GRAMD4: variants seen among roughly 807,000 people sequenced by gnomAD.
GRAMD4 encodes the protein GRAM domain containing 4.
GRAMD4 carries 25 observed loss-of-function variants against 83.9 expected under a neutral mutation model. The observed-to-expected ratio is 0.30, with a 90% CI of 0.22 to 0.42. The LOEUF (loss-of-function observed/expected upper bound fraction) is 0.42. GRAMD4 is among the 10% of genes least tolerant of loss of function. The pLI is 1.00. For synonymous variants in GRAMD4, 336 were observed against 320.9 expected, an observed-to-expected ratio of 1.05 and a Z score of -0.50; for missense variants, 593 against 788.7, an observed-to-expected ratio of 0.75 and a Z score of 2.97.
At chr22:46,620,057 G>A (rs561242425), upstream of GRAMD4, among the ~76,000 whole-genome samples, 1 of 152,338 alleles carries the variant, frequency 6.6e-6, no homozygotes, top group East Asian at 1.9e-4. The surrounding 1 kb of genome is among the most constrained non-coding windows in gnomAD (Gnocchi z 4.7). Flanking sequence ...AGGAACTTTA[G>A]CAGGGGAGAT....
chr22:46,672,374 G>A lies in GRAMD4; in HGVS notation c.1085-469G>A, dbSNP rs1004926391. 6.6e-6 allele frequency among the ~76,000 whole-genome samples: 1 copy of A among 152,030 alleles called. No individual in the cohort carries two copies. The highest frequency in any genetic ancestry group is 6.6e-5 in the Admixed American group (1 of 15,266). ...CTCTCAGCAGGGATGGGCTGGGCGT[G>A]GGGGGGCACCCAGTTGAAGAAGGGC... is the stretch of plus-strand genomic sequence containing the variant. On this transcript the variant is annotated intron_variant, in intron 13 of 18. Coordinates refer to ENST00000406902, the MANE Select transcript of GRAMD4 (RefSeq NM_015124.5). The surrounding 1 kb of genome is among the most constrained non-coding windows in gnomAD (Gnocchi z 4.7).
chr22:46,668,046 T>C (rs1335035771), intron 10 of GRAMD4, 50 bp from the exon 11 acceptor site: 7 of 1,350,422 alleles, frequency 5.2e-6, no homozygotes, highest in African/African-American at 2.9e-5. Context: ...CAGTGGTTTT[T>C]CTGAACTGTT....
intron 3 of GRAMD4, among the ~76,000 whole-genome samples, chr22:46,645,459 T>C (rs186928852): frequency 2.6e-5 from 4 of 152,338 alleles, no homozygotes; most frequent in Admixed American, 2.6e-4. Flanking sequence ...GACCCAGTTC[T>C]AATTCTTGAC....
intron 1 of GRAMD4, among the ~76,000 whole-genome samples, chr22:46,580,661 T>G (rs1007983599): frequency 2.6e-5 from 4 of 152,092 alleles, no homozygotes; most frequent in African/African-American, 9.7e-5. Context: ...GAGACAGAGG[T>G]GGCGCAAGAA....
At position 46,626,790 on chromosome 22, in the gene GRAMD4, A is replaced by T. The variant is rs1400131229; in HGVS notation, c.-10A>T. The T allele has an allele frequency of 6.2e-7, 1 of 1,613,306 alleles. No individual in the cohort carries two copies. On this transcript the variant is annotated 5_prime_UTR_variant, in exon 2 of 19. Transcript: ENST00000406902. The stretch of plus-strand genomic sequence containing the variant: ...ATGTTAGGGTGAAGCAGAGGACCTC[A>T]GTGCTGAACATGCTAAGGAGGTTGG...
In GRAMD4 at chr22:46,667,054, C is replaced by T. The variant is rs143833916; in HGVS notation, c.858+181C>T. 8.5e-5 allele frequency among the ~76,000 whole-genome samples: 13 copies of T among 152,320 alleles called. No homozygotes were observed. In the East Asian group the frequency reaches 1.5e-3, roughly 18 times the overall value. ...AGCCCCTCCCTAGCCCCAAGGCCTG[C>T]GAGGCTGCAAGCCCGGCCCCACATT... On this transcript the variant is annotated intron_variant, in intron 10 of 18. Transcript: ENST00000406902.
At chr22:46,681,180 AGG>A (rs1166469298), downstream of GRAMD4, among the ~76,000 whole-genome samples, 1 of 123,928 alleles carries the variant, frequency 8.1e-6, no homozygotes, top group Non-Finnish European at 1.9e-5. Context: ...CCACACAGAC[AGG>A]GGGCAGTGTG....
Position 46,677,747 on chromosome 22 carries a change from A to C in GRAMD4, c.*496A>C, listed in dbSNP as rs1470885087. 1.0e-6 allele frequency: 1 copy of C among 985,844 alleles called. No individual in the cohort carries two copies. Among genetic ancestry groups the C allele is most frequent in the African/African-American group, 1.7e-5 (1 of 57,206 alleles). 61.1% of individuals were successfully genotyped at this position (985,844 alleles called of 1,614,324 possible). On this transcript the variant is annotated 3_prime_UTR_variant, in exon 19 of 19. Transcript: ENST00000406902. The stretch of plus-strand genomic sequence containing the variant: ...GGAGGGACATGGGGGCCTTTCACCA[A>C]CCACCGAGAAACGGGCCTGGCGGCC...
chr22:46,649,847 A>G (rs1374321432), intron 3 of GRAMD4, among the ~76,000 whole-genome samples: 1 of 152,192 alleles, frequency 6.6e-6, no homozygotes, highest in Non-Finnish European at 1.5e-5. Context: ...GGGCCACGGG[A>G]GGAAGGGGTT....
chr22:46,665,015 A>C (rs1174861248), intron 8 of GRAMD4, among the ~76,000 whole-genome samples: 1 of 152,172 alleles, frequency 6.6e-6, no homozygotes, highest in African/African-American at 2.4e-5. Context: ...CTGGCCCTGG[A>C]AGGCCTCTTC....
chr22:46,607,361 A>G (rs1280532481), intron 1 of GRAMD4, among the ~76,000 whole-genome samples: 2 of 152,240 alleles, frequency 1.3e-5, no homozygotes, highest in South Asian at 2.1e-4. Context: ...AGGAGGGGTC[A>G]TAATAATAGT....
intron 13 of GRAMD4, chr22:46,670,965 C>G: frequency 3.2e-6 from 1 of 316,216 alleles, no homozygotes. Flanking sequence ...CTGAGATCAC[C>G]ACTGCCACTG....
upstream of GRAMD4, among the ~76,000 whole-genome samples, chr22:46,616,804 G>A (rs2081504746): frequency 7.3e-6 from 1 of 137,720 alleles, no homozygotes; most frequent in Non-Finnish European, 1.6e-5. Context: ...AGGTTCCCCT[G>A]TGTGTGTAGG....
intron 3 of GRAMD4, among the ~76,000 whole-genome samples, chr22:46,648,066 A>G (rs370159050): frequency 6.6e-5 from 10 of 152,216 alleles, no homozygotes; most frequent in Admixed American, 5.2e-4. Context: ...ATGTGTGTCT[A>G]TATGGATGGA....
intron 15 of GRAMD4, 168 bp from the exon 16 acceptor site, chr22:46,674,489 T>C (rs1436900760): frequency 3.1e-6 from 2 of 655,450 alleles, no homozygotes; most frequent in Non-Finnish European, 5.6e-6. Context: ...TTTTCCACCC[T>C]CTGGGGCCAC....
Position 46,668,664 on chromosome 22 carries a change from T to C in GRAMD4, c.931-25T>C, listed in dbSNP as rs779462328. 3 of 1,609,400 alleles carry C rather than the reference T, an allele frequency of 1.9e-6. No individual in the cohort carries two copies. In the South Asian group the frequency reaches 3.3e-5, roughly 18 times the overall value. On this transcript the variant is annotated intron_variant, in intron 11 of 18. Coordinates refer to ENST00000406902, the MANE Select transcript of GRAMD4 (RefSeq NM_015124.5). The stretch of plus-strand genomic sequence containing the variant: ...GACAGCCCAGGAGCGGGGGCTGTTG[T>C]AATTGCTGTTTCTCCTTCACACAGA...
intron 3 of GRAMD4, among the ~76,000 whole-genome samples, chr22:46,648,318 GTGGATGGATGGA>G (rs141700422): frequency 0.099 from 14,544 of 146,870 alleles, 784 homozygotes; most frequent in African/African-American, 0.15. Context: ...AGACAAGTGA[GTGGATGGATGGA>G]TGGATGGATG....
intron 11 of GRAMD4, 105 bp downstream of exon 11, chr22:46,668,272 C>A: frequency 4.1e-6 from 3 of 732,186 alleles, no homozygotes; most frequent in Non-Finnish European, 4.7e-6. Flanking sequence ...GCCTCCGCTG[C>A]TGCCTGGGGA....
At chr22:46,641,492 T>C (rs1257251842) in intron 3 of GRAMD4, among the ~76,000 whole-genome samples, 1 of 152,166 alleles carries the variant, frequency 6.6e-6, no homozygotes, top group Non-Finnish European at 1.5e-5. Context: ...TCAGATGAGG[T>C]TGGTGTGCTG....
Sources: gnomAD v4.1 joint callset for allele counts (sites outside exome capture counted in the v4.1 genomes callset) on GRCh38, gnomAD v4.1.1 for gene constraint, Gnocchi (gnomAD v3.1) non-coding constraint, MANE v1.5 for transcripts, NCBI Gene and HGNC (gene_info 2026-07-23, HGNC 2026-07-21) for gene names.